The following NUDT7 variants were observed in gnomAD, a reference collection of about 807,000 sequenced individuals.
NUDT7 encodes nudix hydrolase 7.
A neutral mutation model predicts 13.1 loss-of-function variants in NUDT7; 19 were observed. That is an observed-to-expected ratio of 1.45 (90% CI 1.01 to 2.13). The LOEUF (loss-of-function observed/expected upper bound fraction) is 2.13. Among genes scored for constraint, NUDT7 ranks in the 30% most tolerant of loss-of-function variants. The pLI is 0.00. For missense variants in NUDT7, 360 were observed against 291.7 expected (o/e 1.23, Z -1.71); for synonymous variants, 132 against 109.7 (o/e 1.20, Z -1.27).
In NUDT7 at chr16:77,738,448, T is replaced by C. The variant is rs554232360; in HGVS notation, c.348+2462T>C. Among the ~76,000 whole-genome samples, 176 of 152,324 alleles carry C rather than the reference T, an allele frequency of 1.2e-3. 2 individuals carry two copies. The highest frequency in any genetic ancestry group is 4.0e-3 in the African/African-American group (167 of 41,574). ...AGTGCAAGGGAGGGTTGCTTTGTTT[T>C]TTGGCCCCTGCTAATTTTTAAAATG... On this transcript the variant is annotated intron_variant, in intron 3 of 3. Coordinates refer to ENST00000268533, the MANE Select transcript of NUDT7 (RefSeq NM_001105663.3).
intron 3 of NUDT7, among the ~76,000 whole-genome samples, chr16:77,738,029 C>G (rs1437713939): frequency 1.3e-5 from 2 of 152,046 alleles, no homozygotes; most frequent in Non-Finnish European, 2.9e-5. Context: ...CTAGTGGCCA[C>G]TCAATAAATG....
intron 2 of NUDT7, among the ~76,000 whole-genome samples, chr16:77,727,801 G>C (rs1332890536): frequency 6.6e-6 from 1 of 152,138 alleles, no homozygotes; most frequent in African/African-American, 2.4e-5. Context: ...AGGTTGCATT[G>C]AGCCGAGATC....
chr16:77,726,564 A>G (rs1044620836), intron 2 of NUDT7, among the ~76,000 whole-genome samples: 3 of 152,168 alleles, frequency 2.0e-5, no homozygotes, highest in African/African-American at 4.8e-5. Context: ...TGAGAGGCCA[A>G]GGTGGGAGGA....
intron 2 of NUDT7, among the ~76,000 whole-genome samples, chr16:77,730,850 T>C (rs764961560): frequency 1.3e-5 from 2 of 152,172 alleles, no homozygotes; most frequent in Non-Finnish European, 2.9e-5. Flanking sequence ...TGAATTTTCC[T>C]GGTGATTAGT....
intron 1 of NUDT7, among the ~76,000 whole-genome samples, chr16:77,723,726 G>C (rs143542633): frequency 0.042 from 6,448 of 151,806 alleles, 188 homozygotes; most frequent in Middle Eastern, 0.068. Flanking sequence ...TGAGTAGCTG[G>C]GATTACAGGC....
At chr16:77,726,104 T>C (rs575967724) in intron 2 of NUDT7, among the ~76,000 whole-genome samples, 1 of 152,326 alleles carries the variant, frequency 6.6e-6, no homozygotes, top group African/African-American at 2.4e-5. Context: ...CCCAGTATAA[T>C]GTGAAAATAC....
chr16:77,731,985 G>C (rs193170586), intron 2 of NUDT7, among the ~76,000 whole-genome samples: 48 of 151,948 alleles, frequency 3.2e-4, no homozygotes, highest in African/African-American at 1.1e-3. Context: ...AAATTAAAAA[G>C]TTTAGAAAGT....
chr16:77,733,586 G>A (rs2014385227), intron 2 of NUDT7, among the ~76,000 whole-genome samples: 1 of 152,212 alleles, frequency 6.6e-6, no homozygotes, highest in African/African-American at 2.4e-5. Flanking sequence ...ATATGGCCTA[G>A]GTGCTAAAAA....
chr16:77,730,735 G>T (rs946414619), intron 2 of NUDT7, among the ~76,000 whole-genome samples: 6 of 151,912 alleles, frequency 3.9e-5, no homozygotes, highest in African/African-American at 1.5e-4. Flanking sequence ...CCAAGAGTGT[G>T]TGATAGTTCC....
At position 77,725,492 on chromosome 16, in the gene NUDT7, T is replaced by C. The variant is rs769904610; in HGVS notation, c.97T>C (p.Ser33Pro). Residue 33 changes from serine to proline, a missense_variant, in exon 2 of 4, where the codon TCT becomes CCT. By Grantham distance (74) the Ser-to-Pro change is moderately conservative. Coordinates refer to ENST00000268533, the MANE Select transcript of NUDT7 (RefSeq NM_001105663.3). ...LRKYDIGGKYSHLPYNKYSVL... is the reference protein window; with the variant it reads ...LRKYDIGGKYPHLPYNKYSVL... ...AAAGTATGATATTGGAGGCAAATAT[T>C]CTCACTTGCCATATAACAAATACTC... The C allele has an allele frequency of 5.0e-6, 8 of 1,613,024 alleles. No individual in the cohort carries two copies. The African/African-American group carries it at 1.1e-4, about 22-fold the overall frequency.
chr16:77,730,055 A>AGT (rs2014268023), intron 2 of NUDT7, among the ~76,000 whole-genome samples: 2 of 152,150 alleles, frequency 1.3e-5, no homozygotes, highest in African/African-American at 4.8e-5. Context: ...TACCTCACAT[A>AGT]GTAACATATT....
intron 3 of NUDT7, among the ~76,000 whole-genome samples, chr16:77,740,838 A>G (rs372864029): frequency 8.6e-4 from 131 of 152,304 alleles, no homozygotes; most frequent in African/African-American, 3.0e-3. Context: ...GTGAGCCACC[A>G]CACCCGGCCA....
In NUDT7 at chr16:77,742,175, A is replaced by G; in HGVS notation, c.*225A>G. ...ATAGTGTTGCATATTTTCACCCACA[A>G]TATGTTAATAATATTTTTCTTACAC... On this transcript the variant is annotated 3_prime_UTR_variant, in exon 4 of 4. Transcript: ENST00000268533. 1.8e-6 allele frequency: 2 copies of G among 1,123,946 alleles called. No individual in the cohort carries two copies. Among genetic ancestry groups the G allele is most frequent in the Middle Eastern group, 3.4e-4 (1 of 2,936 alleles). The allele number at this position is 1,123,946 out of a possible 1,614,324, so 69.6% of individuals were successfully genotyped here. A position where few individuals can be genotyped will look rare whatever the true frequency, so the allele number is the denominator to read the frequency against.
At chr16:77,730,419 G>A (rs1393543417) in intron 2 of NUDT7, among the ~76,000 whole-genome samples, 2 of 151,990 alleles carry the variant, frequency 1.3e-5, no homozygotes, top group Non-Finnish European at 2.9e-5. Flanking sequence ...TTTCCTCCAG[G>A]TTCATCCATG....
At chr16:77,723,200 G>C (rs1045155307) in intron 1 of NUDT7, among the ~76,000 whole-genome samples, 9 of 152,202 alleles carry the variant, frequency 5.9e-5, no homozygotes, top group Admixed American at 1.3e-4. Flanking sequence ...TGGCTGGTTT[G>C]TCTGGTCAGT....
At chr16:77,725,394 C>T (rs1428869567) in intron 1 of NUDT7, 37 bp from the exon 2 acceptor site, 1 of 1,582,960 alleles carries the variant, frequency 6.3e-7, no homozygotes, top group Non-Finnish European at 8.6e-7. Flanking sequence ...CATAACTCTG[C>T]TTGCTAAAAT....
chr16:77,741,015 A>G (rs572107277), intron 3 of NUDT7, among the ~76,000 whole-genome samples: 2 of 152,266 alleles, frequency 1.3e-5, no homozygotes, highest in South Asian at 4.1e-4. Flanking sequence ...GGAATATGTC[A>G]TAACTAGTAT....
intron 3 of NUDT7, 157 bp from the exon 4 acceptor site, chr16:77,741,425 T>G: frequency 1.5e-6 from 1 of 686,712 alleles, no homozygotes; most frequent in Non-Finnish European, 2.4e-6. Context: ...ATGACTCCCA[T>G]TTTAGGGGGA....
chr16:77,735,512 G>A (rs1210060210), intron 2 of NUDT7: 1 of 575,198 alleles, frequency 1.7e-6, no homozygotes, highest in Non-Finnish European at 3.1e-6. Flanking sequence ...GAGACTGTGA[G>A]CCAACCAAAC....
Sources: gnomAD v4.1 joint callset for allele counts (sites outside exome capture counted in the v4.1 genomes callset) on GRCh38, gnomAD v4.1.1 for gene constraint, MANE v1.5 for transcripts, NCBI Gene and HGNC (gene_info 2026-07-23, HGNC 2026-07-21) for gene names.